The following MFSD6 variants were observed in gnomAD, a reference collection of about 807,000 sequenced individuals.
MFSD6 encodes the protein major facilitator superfamily domain-containing protein 6.
Under a neutral mutation model 56.3 loss-of-function variants are expected in MFSD6, and 26 were observed. That is an observed-to-expected ratio of 0.46 (90% confidence interval 0.34 to 0.64). MFSD6 has a LOEUF of 0.64. Among genes scored for constraint, MFSD6 ranks in the 30% least tolerant of loss-of-function variants. The probability of loss-of-function intolerance (pLI) is 0.01; values close to 1 mark genes in which losing one functional copy is unlikely to be tolerated. For synonymous variants in MFSD6, 331 were observed against 366.9 expected (o/e 0.90, Z 1.12); for missense variants, 750 against 986.2 (o/e 0.76, Z 3.21).
chr2:190,451,484 C>T lies in MFSD6; in HGVS notation c.1532+13923C>T, dbSNP rs1686772695. On this transcript the variant is annotated intron_variant, in intron 3 of 7. Transcript: ENST00000392328. This position sits in a 1 kb window ranked among gnomAD's most constrained non-coding sequence, Gnocchi z 5.0. ...AATCTGTAATAAGAAAGATAAAGGT[C>T]AGTCCTCGTGGGACTCACATTCTAC... 6.6e-6 allele frequency among the ~76,000 whole-genome samples: 1 copy of T among 152,198 alleles called. No individual in the cohort carries two copies. Among genetic ancestry groups the T allele is most frequent in the African/African-American group, 2.4e-5 (1 of 41,448 alleles).
chr2:190,437,307 C>G lies in MFSD6; in HGVS notation c.1278C>G (p.Thr426=). Residue 426 remains threonine, a synonymous_variant, in exon 3 of 8, where the codon ACC becomes ACG. Coordinates refer to ENST00000392328, the MANE Select transcript of MFSD6 (RefSeq NM_017694.4). The surrounding 1 kb of genome is among the most constrained non-coding windows in gnomAD (Gnocchi z 5.9). ...STESSEETPT[T]TSHSQAFNFW... ...AGTCCTCTGAGGAGACACCAACCACCACAAGCCACTCGCAGGCCTTCAACT... is the reference window on the plus strand; with the variant it reads ...AGTCCTCTGAGGAGACACCAACCACGACAAGCCACTCGCAGGCCTTCAACT... 4 of 1,614,254 alleles carry G rather than the reference C, an allele frequency of 2.5e-6. No individual in the cohort carries two copies. The highest frequency in any genetic ancestry group is 3.4e-6 in the Non-Finnish European group (4 of 1,180,048).
chr2:190,477,201 T>A (rs1234571084), intron 4 of MFSD6: 1 of 699,482 alleles, frequency 1.4e-6, no homozygotes, highest in Non-Finnish European at 1.8e-6. Flanking sequence ...ACTTAAAGTA[T>A]AATAATAATA....
At chr2:190,480,944 A>C (rs1336171174) in intron 4 of MFSD6, among the ~76,000 whole-genome samples, 1 of 152,260 alleles carries the variant, frequency 6.6e-6, no homozygotes, top group African/African-American at 2.4e-5. Context: ...TAAGGAGTTA[A>C]ACTTCAATTA....
chr2:190,440,559 G>A (rs1193963131), intron 3 of MFSD6, among the ~76,000 whole-genome samples: 1 of 152,182 alleles, frequency 6.6e-6, no homozygotes, highest in Non-Finnish European at 1.5e-5. Flanking sequence ...GCAGCTATGA[G>A]TAGGATTATA....
chr2:190,498,773 C>CT lies in MFSD6; in HGVS notation c.2172+1057dup, dbSNP rs1408816979. 6.6e-6 allele frequency among the ~76,000 whole-genome samples: 1 copy of CT among 152,126 alleles called. No homozygotes were observed. Among genetic ancestry groups the CT allele is most frequent in the East Asian group, 1.9e-4 (1 of 5,186 alleles). On this transcript the variant is annotated intron_variant, in intron 7 of 7. Transcript: ENST00000392328. This position sits in a 1 kb window ranked among gnomAD's most constrained non-coding sequence, Gnocchi z 5.9. ...TGCTTGAGTAGCAATATTTTCATTA[C>CT]TTTGTGTACTCATCCTCATTTTCAC...
rs750979593 is a variant in MFSD6, at chr2:190,501,397, G to A, written c.*1179G>A. 6.6e-6 allele frequency: 1 copy of A among 152,172 alleles called. No individual in the cohort carries two copies. The highest frequency in any genetic ancestry group is 2.4e-5 in the African/African-American group (1 of 41,438). 9.4% of individuals were successfully genotyped at this position (152,172 alleles called of 1,614,324 possible). ...CAATGTAATGTATGCAACTGCAAAC[G>A]TTACAACTGCAGCCAGAACAATGGC... On this transcript the variant is annotated 3_prime_UTR_variant, in exon 8 of 8. Transcript: ENST00000392328.
chr2:190,478,980 C>G (rs577400763), intron 4 of MFSD6, among the ~76,000 whole-genome samples: 1 of 152,202 alleles, frequency 6.6e-6, no homozygotes. Context: ...CTATAGCCCC[C>G]GCTACCCAGC....
At position 190,434,012 on chromosome 2, in the gene MFSD6, A is replaced by C. The variant is rs1686091457; in HGVS notation, c.-53-1965A>C. The stretch of plus-strand genomic sequence containing the variant: ...TGGAGAACGGCCTGGGCAACATGGC[A>C]AAAACCCCATCTCTACAAAAATTAG... On this transcript the variant is annotated intron_variant, in intron 2 of 7. Coordinates refer to ENST00000392328, the MANE Select transcript of MFSD6 (RefSeq NM_017694.4). The surrounding 1 kb of genome is among the most constrained non-coding windows in gnomAD (Gnocchi z 4.3). 6.6e-6 allele frequency among the ~76,000 whole-genome samples: 1 copy of C among 151,920 alleles called. No individual in the cohort carries two copies. Among genetic ancestry groups the C allele is most frequent in the Non-Finnish European group, 1.5e-5 (1 of 67,964 alleles).
intron 3 of MFSD6, among the ~76,000 whole-genome samples, chr2:190,444,314 A>C (rs1553518767): frequency 6.6e-6 from 1 of 152,226 alleles, no homozygotes; most frequent in Non-Finnish European, 1.5e-5. Context: ...ATTCTTGGTC[A>C]TGGCCCAGTT....
chr2:190,421,183 C>A (rs898672562), intron 2 of MFSD6, among the ~76,000 whole-genome samples: 3 of 152,154 alleles, frequency 2.0e-5, no homozygotes, highest in African/African-American at 7.2e-5. Context: ...ATCACTTGGA[C>A]AATTCAGGAA....
At chr2:190,450,712 T>C (rs1427878127) in intron 3 of MFSD6, among the ~76,000 whole-genome samples, 1 of 152,042 alleles carries the variant, frequency 6.6e-6, no homozygotes, top group Non-Finnish European at 1.5e-5. Context: ...AGGCTAGTCT[T>C]AAACTCCTAA....
intron 3 of MFSD6, among the ~76,000 whole-genome samples, chr2:190,445,129 G>C (rs532243321): frequency 5.1e-4 from 78 of 152,168 alleles, no homozygotes; most frequent in African/African-American, 1.8e-3. Context: ...GACAATCTTG[G>C]GCCTGCTGTG....
At chr2:190,480,374 T>C (rs543405865) in intron 4 of MFSD6, among the ~76,000 whole-genome samples, 1 of 136,168 alleles carries the variant, frequency 7.3e-6, no homozygotes, top group African/African-American at 2.6e-5. Context: ...CCCTGTATCA[T>C]GTACTATAGT....
chr2:190,497,141 G>A lies in MFSD6; in HGVS notation c.1892-298G>A, dbSNP rs1349265637. On this transcript the variant is annotated intron_variant, in intron 6 of 7. Transcript: ENST00000392328. This position sits in a 1 kb window ranked among gnomAD's most constrained non-coding sequence, Gnocchi z 5.2. ...ATCATAATCCTGTAAATGGGCCTAA[G>A]GCAACACTCATTATAACCTATGCCC... Among the ~76,000 whole-genome samples, 3 of 152,026 alleles carry A rather than the reference G, an allele frequency of 2.0e-5. No homozygotes were observed. Among genetic ancestry groups the A allele is most frequent in the Non-Finnish European group, 2.9e-5 (2 of 68,020 alleles).
At chr2:190,407,620 C>A (rs1690359697), upstream of MFSD6, among the ~76,000 whole-genome samples, 1 of 152,204 alleles carries the variant, frequency 6.6e-6, no homozygotes, top group African/African-American at 2.4e-5. This position sits in a 1 kb window ranked among gnomAD's most constrained non-coding sequence, Gnocchi z 5.4. Flanking sequence ...TCCCCCAACT[C>A]TCTGCGTGTT....
At position 190,439,246 on chromosome 2, in the gene MFSD6, AG is replaced by A. The variant is rs1686285804; in HGVS notation, c.1532+1687del. Among the ~76,000 whole-genome samples the A allele has an allele frequency of 1.3e-5, 2 of 152,042 alleles. No homozygotes were observed. The highest frequency in any genetic ancestry group is 1.3e-4 in the Admixed American group (2 of 15,260). On this transcript the variant is annotated intron_variant, in intron 3 of 7. Coordinates refer to ENST00000392328, the MANE Select transcript of MFSD6 (RefSeq NM_017694.4). The surrounding 1 kb of genome is among the most constrained non-coding windows in gnomAD (Gnocchi z 5.8). ...TTCATTCCCAGAAAGGTACCCAGTT[AG>A]GTCTTACCAATGCGTGGAGTTCTTA...
chr2:190,468,810 G>T (rs987924936), intron 3 of MFSD6, among the ~76,000 whole-genome samples: 1 of 152,002 alleles, frequency 6.6e-6, no homozygotes, highest in Non-Finnish European at 1.5e-5. Context: ...ACTGATTATC[G>T]TGTTGGTTTA....
chr2:190,450,010 A>T (rs1354929814), intron 3 of MFSD6, among the ~76,000 whole-genome samples: 1 of 151,844 alleles, frequency 6.6e-6, no homozygotes, highest in East Asian at 1.9e-4. Flanking sequence ...AACTTAAAGT[A>T]TAATAATAAT....
In MFSD6 at chr2:190,497,952, G is replaced by T; in HGVS notation, c.2172+233G>T. On this transcript the variant is annotated intron_variant, in intron 7 of 7. Coordinates refer to ENST00000392328, the MANE Select transcript of MFSD6 (RefSeq NM_017694.4). The surrounding 1 kb of genome is among the most constrained non-coding windows in gnomAD (Gnocchi z 5.2). ...AGTTCAGGAAAACTTCAGAGGTTATGATTCTTTCACTTCTTGAAAGAAATA... is the reference window on the plus strand; with the variant it reads ...AGTTCAGGAAAACTTCAGAGGTTATTATTCTTTCACTTCTTGAAAGAAATA... The T allele has an allele frequency of 2.6e-6, 1 of 391,294 alleles. No individual in the cohort carries two copies. The highest frequency in any genetic ancestry group is 4.6e-6 in the Non-Finnish European group (1 of 219,474). The allele number at this position is 391,294 out of a possible 1,614,324, so 24.2% of individuals were successfully genotyped here.
Sources: allele counts gnomAD v4.1 joint callset (sites outside exome capture counted in the v4.1 genomes callset), GRCh38; gene constraint gnomAD v4.1.1; non-coding constraint Gnocchi (gnomAD v3.1); transcripts MANE v1.5; gene names NCBI Gene and HGNC (gene_info 2026-07-23, HGNC 2026-07-21).